CRHR1: variants seen among roughly 807,000 people sequenced by gnomAD.
CRHR1 encodes corticotropin-releasing hormone receptor 1.
A neutral mutation model predicts 56.0 loss-of-function variants in CRHR1; 28 were observed. That is an observed-to-expected ratio of 0.50 (90% CI 0.37 to 0.69). The LOEUF (loss-of-function observed/expected upper bound fraction) is 0.69. CRHR1 is among the 30% of genes least tolerant of loss of function. CRHR1 has a pLI of 0.00. For synonymous variants in CRHR1, 195 were observed against 216.5 expected (o/e 0.90, Z 0.87); for missense variants, 376 against 548.0 (o/e 0.69, Z 3.13).
chr17:45,788,498 G>A (rs571392803), intron 1 of CRHR1, among the ~76,000 whole-genome samples: 1 of 152,322 alleles, frequency 6.6e-6, no homozygotes, highest in African/African-American at 2.4e-5. Context: ...AGGGACCTTG[G>A]AACATGGTAC....
rs1012122828 is a variant in CRHR1 at position 45,784,835 on chromosome 17, G to C, written c.33+258G>C. Among the ~76,000 whole-genome samples the C allele has an allele frequency of 1.3e-5, 2 of 152,198 alleles. No homozygotes were observed. Among genetic ancestry groups the C allele is most frequent in the Admixed American group, 1.3e-4 (2 of 15,294 alleles). ...GGCGGAGGAGGGGGTCCGCCCACCC[G>C]GGTAGCCGGCTCCGCGCCAAGAATC... On this transcript the variant is annotated intron_variant, in intron 1 of 12. Transcript: ENST00000314537. The surrounding 1 kb of genome is among the most constrained non-coding windows in gnomAD (Gnocchi z 4.2).
chr17:45,811,517 G>A (rs2061824004), intron 2 of CRHR1, among the ~76,000 whole-genome samples: 1 of 152,230 alleles, frequency 6.6e-6, no homozygotes, highest in African/African-American at 2.4e-5. Context: ...AAAGGCCTGT[G>A]GTGACGTGCG....
intron 4 of CRHR1, 77 bp from the exon 5 acceptor site, chr17:45,829,138 C>T (rs2062233992): frequency 1.7e-6 from 2 of 1,147,740 alleles, no homozygotes; most frequent in Middle Eastern, 3.8e-4. Context: ...TCCATCCCAG[C>T]CACCCCTAGG....
At chr17:45,811,198 T>G (rs895141341) in intron 2 of CRHR1, among the ~76,000 whole-genome samples, 4 of 152,224 alleles carry the variant, frequency 2.6e-5, no homozygotes, top group African/African-American at 2.4e-5. Flanking sequence ...GGAGGCAAAC[T>G]GTGTAACCTA....
At chr17:45,820,110 C>T (rs1441798997) in intron 3 of CRHR1, among the ~76,000 whole-genome samples, 1 of 152,106 alleles carries the variant, frequency 6.6e-6, no homozygotes, top group Non-Finnish European at 1.5e-5. Flanking sequence ...AGGACTGGGA[C>T]TCCAGCAGCT....
chr17:45,833,304 G>T, intron 9 of CRHR1, 94 bp downstream of exon 9: 1 of 1,483,442 alleles, frequency 6.7e-7, no homozygotes, highest in Non-Finnish European at 9.4e-7. Flanking sequence ...CCTAGAGGTG[G>T]GGGCCACCCA....
At chr17:45,787,468 A>G (rs531900204) in intron 1 of CRHR1, among the ~76,000 whole-genome samples, 1 of 152,364 alleles carries the variant, frequency 6.6e-6, no homozygotes, top group African/African-American at 2.4e-5. Context: ...TTATTCTTAT[A>G]TAAGCCAATT....
At chr17:45,819,762 G>A (rs182378785) in intron 3 of CRHR1, among the ~76,000 whole-genome samples, 386 of 152,324 alleles carry the variant, frequency 2.5e-3, no homozygotes, top group African/African-American at 8.3e-3. Flanking sequence ...CCATTTAGCC[G>A]GATCTCCCAC....
chr17:45,793,249 G>A (rs968153968), intron 1 of CRHR1, among the ~76,000 whole-genome samples: 31 of 152,266 alleles, frequency 2.0e-4, no homozygotes, highest in Non-Finnish European at 1.8e-4. Context: ...CACTGGGGGC[G>A]TTGTCCACGT....
In CRHR1 at chr17:45,784,537, G is replaced by A; in HGVS notation, c.-8G>A. 1 of 1,551,204 alleles carries A rather than the reference G, an allele frequency of 6.4e-7. No homozygotes were observed. ...GGCATTCAGGACGGTAGCCGAGCGA[G>A]CCCGAGGATGGGAGGGCACCCGCAG... On this transcript the variant is annotated 5_prime_UTR_variant, in exon 1 of 13. Coordinates refer to ENST00000314537, the MANE Select transcript of CRHR1 (RefSeq NM_004382.5). The surrounding 1 kb of genome is among the most constrained non-coding windows in gnomAD (Gnocchi z 4.2).
At chr17:45,798,610 T>C (rs1042427155) in intron 1 of CRHR1, among the ~76,000 whole-genome samples, 2 of 151,762 alleles carry the variant, frequency 1.3e-5, no homozygotes, top group Admixed American at 6.6e-5. Flanking sequence ...ATCTGGAACC[T>C]TGGAGGGGCG....
intron 5 of CRHR1, chr17:45,829,757 C>A (rs1480157887): frequency 4.5e-6 from 5 of 1,114,730 alleles, no homozygotes; most frequent in Non-Finnish European, 6.6e-6. Context: ...GCAGGGCTGA[C>A]CCCTGTGACT....
At chr17:45,795,088 G>A (rs1465685789) in intron 1 of CRHR1, among the ~76,000 whole-genome samples, 1 of 152,250 alleles carries the variant, frequency 6.6e-6, no homozygotes, top group African/African-American at 2.4e-5. Flanking sequence ...CCAGGACAGA[G>A]TGAGTCAGGG....
At chr17:45,785,932 C>A (rs2061327656) in intron 1 of CRHR1, among the ~76,000 whole-genome samples, 2 of 152,160 alleles carry the variant, frequency 1.3e-5, no homozygotes, top group Non-Finnish European at 1.5e-5. Flanking sequence ...AGATTATTTT[C>A]TGGGCGTTCG....
In CRHR1 at chr17:45,833,762, C is replaced by G. The variant is rs772007394; in HGVS notation, c.978C>G (p.Thr326=). The change falls in exon 11 of 13, where the codon ACC becomes ACG. Residue 326 remains threonine, a synonymous_variant. Transcript: ENST00000314537. ...TLVLLPLLGI[T]YMLFFVNPGE... Reference sequence around the variant, plus strand: ...TGCTGCTGCCCCTCCTGGGCATCACCTACATGCTGTTCTTCGTCAATCCCG... The same window carrying G: ...TGCTGCTGCCCCTCCTGGGCATCACGTACATGCTGTTCTTCGTCAATCCCG... 6.2e-6 allele frequency: 10 copies of G among 1,613,424 alleles called. No individual in the cohort carries two copies. Among genetic ancestry groups the G allele is most frequent in the South Asian group, 5.5e-5 (5 of 91,064 alleles).
chr17:45,797,283 CTT>C (rs899983592), intron 1 of CRHR1, among the ~76,000 whole-genome samples: 2 of 94,916 alleles, frequency 2.1e-5, no homozygotes, highest in Middle Eastern at 7.7e-3. Flanking sequence ...TTCTTTCTTT[CTT>C]TTTTTTTTTT....
intron 1 of CRHR1, among the ~76,000 whole-genome samples, chr17:45,796,982 G>A (rs527363278): frequency 8.5e-5 from 13 of 152,354 alleles, no homozygotes; most frequent in Non-Finnish European, 1.8e-4. Context: ...CAGAAATGAA[G>A]GGAAGACAAG....
intron 1 of CRHR1, chr17:45,799,322 A>G (rs906690736): frequency 2.6e-5 from 4 of 152,238 alleles, no homozygotes; most frequent in Non-Finnish European, 5.9e-5. Flanking sequence ...AACTACAGAT[A>G]TATCCCCCGT....
chr17:45,808,477 C>T (rs1204749298), intron 2 of CRHR1, among the ~76,000 whole-genome samples: 1 of 152,210 alleles, frequency 6.6e-6, no homozygotes, highest in Non-Finnish European at 1.5e-5. Flanking sequence ...TGAGCATACC[C>T]TCAACCCCTC....
Sources: gnomAD v4.1 joint callset for allele counts (sites outside exome capture counted in the v4.1 genomes callset) on GRCh38, gnomAD v4.1.1 for gene constraint, Gnocchi (gnomAD v3.1) non-coding constraint, MANE v1.5 for transcripts, NCBI Gene and HGNC (gene_info 2026-07-23, HGNC 2026-07-21) for gene names.